The following TXNDC16 variants were observed in gnomAD, a reference collection of about 807,000 sequenced individuals.
The protein encoded by TXNDC16 is thioredoxin domain containing 16.
In TXNDC16, 74 loss-of-function variants were observed where a neutral mutation model predicts 85.6. The observed-to-expected ratio is 0.86, with a 90% CI of 0.72 to 1.05. The LOEUF (loss-of-function observed/expected upper bound fraction) is 1.05. TXNDC16 is among the 50% of genes least tolerant of loss of function. The pLI is 0.00. For synonymous variants in TXNDC16, 335 were observed against 326.5 expected (o/e 1.03, Z -0.28); for missense variants, 959 against 947.0 (o/e 1.01, Z -0.17).
intron 6 of TXNDC16, among the ~76,000 whole-genome samples, chr14:52,529,798 TTA>T (rs1274901135): frequency 5.2e-5 from 6 of 115,674 alleles, no homozygotes; most frequent in African/African-American, 7.1e-5. Context: ...TATATAATAA[TTA>T]TATATGACAC....
At chr14:52,465,843 G>A (rs533184877) in intron 16 of TXNDC16, among the ~76,000 whole-genome samples, 2 of 152,186 alleles carry the variant, frequency 1.3e-5, no homozygotes, top group East Asian at 3.9e-4. Flanking sequence ...AACTATCAAA[G>A]TAAAAATAAT....
intron 9 of TXNDC16, among the ~76,000 whole-genome samples, chr14:52,498,526 G>A (rs2036585295): frequency 6.6e-6 from 1 of 151,660 alleles, no homozygotes; most frequent in East Asian, 1.9e-4. Context: ...CACTAATAAT[G>A]AGCAATCCAA....
intron 9 of TXNDC16, among the ~76,000 whole-genome samples, chr14:52,507,314 A>G (rs1023999550): frequency 3.9e-5 from 6 of 152,102 alleles, no homozygotes; most frequent in Admixed American, 3.3e-4. Flanking sequence ...CCCATTCACA[A>G]TTGCTTCAAA....
chr14:52,471,480 C>T (rs555248847), intron 14 of TXNDC16, among the ~76,000 whole-genome samples: 101 of 152,180 alleles, frequency 6.6e-4, no homozygotes, highest in Non-Finnish European at 7.9e-4. Flanking sequence ...CCGTGTACAA[C>T]TTCAAGGACT....
chr14:52,519,212 T>A lies in TXNDC16; in HGVS notation c.474A>T (p.Ala158=). 2 of 1,611,786 alleles carry A rather than the reference T, an allele frequency of 1.2e-6. No individual in the cohort carries two copies. The highest frequency in any genetic ancestry group is 1.7e-6 in the Non-Finnish European group (2 of 1,178,982). Residue 158 remains alanine, a synonymous_variant, in exon 7 of 21, where the codon GCA becomes GCT. Transcript: ENST00000281741. The stretch of plus-strand genomic sequence containing the variant: ...CTCTTACATATGAGAATATAATATT[T>A]GCTTTTCCTTTCAGAGCATTTTCTA... ...QNIENALKGK[A]NIIFSYVRAI...
rs1016884136 is a variant in TXNDC16, at chr14:52,445,755, G to A, written c.1843-5031C>T. ...CCTACAGTATTTAGTAAAGTAACAT[G>A]CTGTACAGGTTTGTAGCCTAGGAGC... On this transcript the variant is annotated intron_variant, in intron 18 of 20. Coordinates refer to ENST00000281741, the MANE Select transcript of TXNDC16 (RefSeq NM_020784.3). 2.6e-5 allele frequency among the ~76,000 whole-genome samples: 4 copies of A among 152,142 alleles called. No individual in the cohort carries two copies. In the East Asian group the frequency reaches 7.7e-4, roughly 29 times the overall value.
At chr14:52,448,840 T>C (rs2035342762) in intron 18 of TXNDC16, among the ~76,000 whole-genome samples, 1 of 152,100 alleles carries the variant, frequency 6.6e-6, no homozygotes. Flanking sequence ...TTTTATTAGT[T>C]TTCCTTTGCT....
chr14:52,438,330 A>G (rs1183005579), intron 20 of TXNDC16, among the ~76,000 whole-genome samples: 2 of 152,244 alleles, frequency 1.3e-5, no homozygotes, highest in East Asian at 1.9e-4. Flanking sequence ...AGGTCAATCA[A>G]TGCTGCAAAC....
At chr14:52,441,315 TA>T (rs1305168969) in intron 18 of TXNDC16, among the ~76,000 whole-genome samples, 1 of 152,122 alleles carries the variant, frequency 6.6e-6, no homozygotes, top group Non-Finnish European at 1.5e-5. Flanking sequence ...TATTACTAAT[TA>T]AAAGATAGGA....
chr14:52,529,681 T>C (rs2037439122), intron 6 of TXNDC16, among the ~76,000 whole-genome samples: 1 of 111,914 alleles, frequency 8.9e-6, no homozygotes, highest in South Asian at 2.5e-4. Context: ...ATATAATATA[T>C]ATAATGCCTA....
intron 18 of TXNDC16, among the ~76,000 whole-genome samples, chr14:52,449,602 T>A (rs1278215504): frequency 6.6e-6 from 1 of 152,136 alleles, no homozygotes; most frequent in African/African-American, 2.4e-5. Context: ...AAAATGGGCC[T>A]AATAGATATT....
intron 9 of TXNDC16, among the ~76,000 whole-genome samples, chr14:52,498,405 T>TCACA (rs140586435): frequency 1.2e-3 from 178 of 146,300 alleles, no homozygotes; most frequent in Non-Finnish European, 1.8e-3. Flanking sequence ...ACCCTAAAGA[T>TCACA]CACACACACA....
intron 18 of TXNDC16, among the ~76,000 whole-genome samples, chr14:52,446,138 C>A (rs1483404207): frequency 6.6e-6 from 1 of 152,150 alleles, no homozygotes; most frequent in Admixed American, 6.5e-5. Flanking sequence ...CTGGTTTTAA[C>A]TTTATATCGC....
intron 1 of TXNDC16, among the ~76,000 whole-genome samples, chr14:52,546,310 C>T (rs1025064002): frequency 3.3e-5 from 5 of 152,076 alleles, no homozygotes; most frequent in African/African-American, 9.7e-5. Context: ...CAAACAAAAA[C>T]TTAATACTAC....
At chr14:52,542,580 A>C in intron 3 of TXNDC16, 127 bp from the exon 4 acceptor site, 166 of 559,300 alleles carry the variant, frequency 3.0e-4, no homozygotes, top group Middle Eastern at 9.5e-4. Context: ...AACATATCTC[A>C]TTACATATTT....
intron 6 of TXNDC16, among the ~76,000 whole-genome samples, chr14:52,519,775 T>G (rs1353621881): frequency 6.6e-6 from 1 of 152,244 alleles, no homozygotes; most frequent in African/African-American, 2.4e-5. Flanking sequence ...TTTTCTTTGC[T>G]GGAAGCTATT....
chr14:52,486,311 T>TC (rs1322760665), intron 12 of TXNDC16, among the ~76,000 whole-genome samples: 4 of 133,416 alleles, frequency 3.0e-5, no homozygotes, highest in Admixed American at 8.6e-5. Context: ...TGAGACAGGG[T>TC]CTCACTCTGT....
chr14:52,506,626 G>A (rs1189305300), intron 9 of TXNDC16, among the ~76,000 whole-genome samples: 3 of 130,398 alleles, frequency 2.3e-5, no homozygotes, highest in Admixed American at 1.7e-4. Context: ...GCGCAATCTC[G>A]GCTCACTGCA....
chr14:52,464,876 T>C (rs899320387), intron 16 of TXNDC16, among the ~76,000 whole-genome samples: 13 of 151,948 alleles, frequency 8.6e-5, no homozygotes, highest in African/African-American at 3.1e-4. Context: ...GAGGTGGAGG[T>C]TGCAGTGAGC....
Sources: allele counts gnomAD v4.1 joint callset (sites outside exome capture counted in the v4.1 genomes callset), GRCh38; gene constraint gnomAD v4.1.1; transcripts MANE v1.5; gene names NCBI Gene and HGNC (gene_info 2026-07-23, HGNC 2026-07-21).